The following ASIC2 variants were observed in gnomAD, a reference collection of about 807,000 sequenced individuals.
ASIC2 encodes acid sensing ion channel subunit 2, also known as acid-sensing ion channel 2.
In ASIC2, 25 loss-of-function variants were observed where a neutral mutation model predicts 57.3. That is an observed-to-expected ratio of 0.44 (90% confidence interval 0.32 to 0.61). The LOEUF is 0.61. Among genes scored for constraint, ASIC2 ranks in the 20% least tolerant of loss-of-function variants. ASIC2 has a pLI of 0.06. For missense variants in ASIC2, 641 were observed against 738.1 expected (o/e 0.87, Z 1.52); for synonymous variants, 319 against 307.5 (o/e 1.04, Z -0.39).
At chr17:33,350,407 C>T (rs760477960) in intron 1 of ASIC2, among the ~76,000 whole-genome samples, 11 of 152,112 alleles carry the variant, frequency 7.2e-5, no homozygotes, top group Non-Finnish European at 1.2e-4. Context: ...TGGCCAGGCA[C>T]GGTGGCTCAC....
At chr17:33,482,787 G>A (rs570300675) in intron 1 of ASIC2, among the ~76,000 whole-genome samples, 17 of 152,312 alleles carry the variant, frequency 1.1e-4, no homozygotes, top group African/African-American at 4.1e-4. Context: ...TCCCAGGCAG[G>A]CCCTGAGAGG....
intron 1 of ASIC2, among the ~76,000 whole-genome samples, chr17:33,558,496 C>A (rs149186172): frequency 6.6e-6 from 1 of 152,150 alleles, no homozygotes; most frequent in East Asian, 1.9e-4. Flanking sequence ...CTTCATAGTA[C>A]TAAAATTTCA....
chr17:33,927,211 G>T (rs756293482), intron 1 of ASIC2, among the ~76,000 whole-genome samples: 1 of 152,152 alleles, frequency 6.6e-6, no homozygotes, highest in South Asian at 2.1e-4. Flanking sequence ...TTACAGGCAT[G>T]ACCCACTGTG....
chr17:34,155,982 G>A, exon 1 of ASIC2: 1 of 1,604,280 alleles, frequency 6.2e-7, no homozygotes. Flanking sequence ...ACTCACTGTG[G>A]TGAAGTCTTG....
chr17:34,112,873 T>G (rs1339509521), intron 1 of ASIC2, among the ~76,000 whole-genome samples: 6 of 152,204 alleles, frequency 3.9e-5, no homozygotes, highest in Non-Finnish European at 7.3e-5. Context: ...TTAATGTTAC[T>G]TCATGGTCTT....
chr17:33,271,846 GT>G (rs1904505143), intron 1 of ASIC2, among the ~76,000 whole-genome samples: 1 of 152,202 alleles, frequency 6.6e-6, no homozygotes, highest in South Asian at 2.1e-4. Context: ...AAGCCCTCCA[GT>G]GGCTTCTCAC....
At chr17:33,723,989 A>G (rs1363634093) in intron 1 of ASIC2, among the ~76,000 whole-genome samples, 3 of 152,192 alleles carry the variant, frequency 2.0e-5, no homozygotes, top group Non-Finnish European at 2.9e-5. Context: ...CCCAAATTGC[A>G]TCTTGAATTG....
chr17:33,115,984 C>G (rs1190104227), intron 1 of ASIC2, among the ~76,000 whole-genome samples: 1 of 152,182 alleles, frequency 6.6e-6, no homozygotes, highest in Non-Finnish European at 1.5e-5. Context: ...GCCCAGCTCC[C>G]CTTCCCTCCC....
intron 1 of ASIC2, among the ~76,000 whole-genome samples, chr17:33,223,239 G>A (rs1031121314): frequency 6.6e-6 from 1 of 151,694 alleles, no homozygotes; most frequent in Non-Finnish European, 1.5e-5. Context: ...CTGGAGTACA[G>A]TGGCGTGATC....
intron 2 of ASIC2, among the ~76,000 whole-genome samples, chr17:33,099,298 T>C (rs2092200457): frequency 6.6e-6 from 1 of 152,146 alleles, no homozygotes; most frequent in African/African-American, 2.4e-5. Flanking sequence ...ATTATAGTCA[T>C]GAGCCACCGC....
chr17:33,643,056 T>A (rs1342892312), intron 1 of ASIC2, among the ~76,000 whole-genome samples: 1 of 152,234 alleles, frequency 6.6e-6, no homozygotes, highest in Non-Finnish European at 1.5e-5. Context: ...TTTCAAACTC[T>A]GTTGGCCATG....
At chr17:33,980,509 G>A (rs776774005) in intron 1 of ASIC2, among the ~76,000 whole-genome samples, 2 of 152,178 alleles carry the variant, frequency 1.3e-5, no homozygotes, top group Non-Finnish European at 2.9e-5. Flanking sequence ...CAGGGGAAAG[G>A]ATGAGAATCT....
chr17:33,620,439 T>C (rs1241865334), intron 1 of ASIC2, among the ~76,000 whole-genome samples: 1 of 152,106 alleles, frequency 6.6e-6, no homozygotes. Flanking sequence ...AATGTAAAAA[T>C]CTCCTGTCAA....
chr17:33,163,408 C>T (rs995026136), intron 1 of ASIC2, among the ~76,000 whole-genome samples: 2 of 151,992 alleles, frequency 1.3e-5, no homozygotes, highest in Non-Finnish European at 2.9e-5. Context: ...CCCCTGCCTG[C>T]ACTCTGAGAC....
intron 1 of ASIC2, among the ~76,000 whole-genome samples, chr17:33,910,037 T>C (rs969226165): frequency 6.6e-6 from 1 of 152,150 alleles, no homozygotes; most frequent in East Asian, 1.9e-4. Context: ...CGTTGAATTG[T>C]TATGAGTGTT....
At chr17:33,309,971 A>G (rs542215792) in intron 1 of ASIC2, among the ~76,000 whole-genome samples, 10 of 148,024 alleles carry the variant, frequency 6.8e-5, no homozygotes, top group African/African-American at 2.5e-4. Flanking sequence ...AAGCAAGATG[A>G]TGTATTTATC....
chr17:34,038,048 A>C (rs921741499), intron 1 of ASIC2: 15 of 1,613,300 alleles, frequency 9.3e-6, no homozygotes, highest in Non-Finnish European at 1.2e-5. Context: ...TGTTAGCTCC[A>C]TGCCATCCAC....
intron 1 of ASIC2, among the ~76,000 whole-genome samples, chr17:33,532,506 C>T (rs761473145): frequency 2.6e-5 from 4 of 152,164 alleles, no homozygotes; most frequent in Non-Finnish European, 1.5e-5. Flanking sequence ...AATCCAGTCC[C>T]AAATCTCCTC....
In ASIC2 at chr17:33,645,549, C is replaced by T. The variant is rs1323591653; in HGVS notation, c.555+510429G>A. Among the ~76,000 whole-genome samples the T allele has an allele frequency of 3.3e-5, 5 of 152,206 alleles. No individual in the cohort carries two copies. In the East Asian group the frequency reaches 5.8e-4, roughly 18 times the overall value. Reference sequence around the variant, plus strand: ...CTTATTTTCCACTTTTCCTGACCAGCTTTTCTGGAGCCCTGAGCTCTCTTT... The same window carrying T: ...CTTATTTTCCACTTTTCCTGACCAGTTTTTCTGGAGCCCTGAGCTCTCTTT... On this transcript the variant is annotated intron_variant, in intron 1 of 9. Coordinates refer to the ASIC2 transcript ENST00000359872.
Sources: allele counts gnomAD v4.1 joint callset (sites outside exome capture counted in the v4.1 genomes callset), GRCh38; gene constraint gnomAD v4.1.1; transcripts MANE v1.5; gene names NCBI Gene and HGNC (gene_info 2026-07-23, HGNC 2026-07-21).